MAF: variants seen among roughly 807,000 people sequenced by gnomAD.
MAF encodes the protein MAF bZIP transcription factor, also known as transcription factor Maf.
In MAF, 10 loss-of-function variants were observed where a neutral mutation model predicts 22.0. The observed-to-expected ratio is 0.45, with a 90% confidence interval of 0.28 to 0.77. The LOEUF (loss-of-function observed/expected upper bound fraction) is 0.77. Among genes scored for constraint, MAF ranks in the 30% least tolerant of loss-of-function variants. MAF has a pLI of 0.12. For missense variants in MAF, 544 were observed against 548.4 expected, an observed-to-expected ratio of 0.99 and a Z score of 0.08; for synonymous variants, 337 against 255.8, an observed-to-expected ratio of 1.32 and a Z score of -3.03.
At chr16:79,467,786 T>C in the MAF span, among the ~76,000 whole-genome samples, 1 of 152,142 alleles carries the variant, frequency 6.6e-6, no homozygotes, top group African/African-American at 2.4e-5. Flanking sequence ...TAAGTGTTAT[T>C]CCCTTCTTGT....
chr16:79,472,889 G>C, the MAF span, among the ~76,000 whole-genome samples: 1 of 152,010 alleles, frequency 6.6e-6, no homozygotes, highest in African/African-American at 2.4e-5. Context: ...TCCTGTCCTG[G>C]AGAGATTTGG....
chr16:79,500,268 G>C, the MAF span, among the ~76,000 whole-genome samples: 1 of 152,218 alleles, frequency 6.6e-6, no homozygotes. Context: ...GAGAGAGGGA[G>C]AAAGGAACAG....
At chr16:79,328,323 G>C in the MAF span, among the ~76,000 whole-genome samples, 1 of 151,966 alleles carries the variant, frequency 6.6e-6, no homozygotes, top group Non-Finnish European at 1.5e-5. Context: ...ATTTGGAAGA[G>C]CCTAGAGACA....
chr16:79,231,874 G>A, the MAF span, among the ~76,000 whole-genome samples: 4 of 151,950 alleles, frequency 2.6e-5, no homozygotes, highest in Non-Finnish European at 5.9e-5. Flanking sequence ...ATCTGTGGAA[G>A]CCCTGAGCTT....
chr16:79,573,759 A>G, the MAF span, among the ~76,000 whole-genome samples: 20,408 of 152,242 alleles, frequency 0.13, 1,466 homozygotes, highest in African/African-American at 0.17. Flanking sequence ...TAATAGCACT[A>G]GTGCAGACTA....
At chr16:79,474,014 C>T in the MAF span, among the ~76,000 whole-genome samples, 1 of 151,498 alleles carries the variant, frequency 6.6e-6, no homozygotes, top group Admixed American at 6.6e-5. Flanking sequence ...ATTCTTATGT[C>T]TATAAGGAAA....
chr16:79,367,614 A>C, the MAF span, among the ~76,000 whole-genome samples: 1 of 152,320 alleles, frequency 6.6e-6, no homozygotes, highest in African/African-American at 2.4e-5. Flanking sequence ...AATGTTTTTT[A>C]TTGTGCTGTC....
In MAF at chr16:79,599,192, C is replaced by CCCGCCGCCTCCG; in HGVS notation, c.699_710dup (p.Gly235_Gly238dup). On this transcript the variant is annotated inframe_insertion, in exon 1 of 2. Transcript: ENST00000326043. The stretch of plus-strand genomic sequence containing the variant: ...GGGCGCCCCCCGCCCCCGCCGCGCC[C>CCCGCCGCCTCCG]CCGCCGCCTCCGCCGCCGCCGCCGC... The CCCGCCGCCTCCG allele has an allele frequency of 1.9e-6, 2 of 1,026,632 alleles. No individual in the cohort carries two copies. Among genetic ancestry groups the CCCGCCGCCTCCG allele is most frequent in the Non-Finnish European group, 2.3e-6 (2 of 857,042 alleles). 63.6% of individuals were successfully genotyped at this position (1,026,632 alleles called of 1,614,324 possible).
At chr16:79,353,578 A>C in the MAF span, among the ~76,000 whole-genome samples, 1 of 152,250 alleles carries the variant, frequency 6.6e-6, no homozygotes. Context: ...CGTCATCTGC[A>C]TAGCACCTGT....
chr16:79,223,686 T>G, the MAF span, among the ~76,000 whole-genome samples: 1 of 152,138 alleles, frequency 6.6e-6, no homozygotes, highest in African/African-American at 2.4e-5. Flanking sequence ...ATATCACCAC[T>G]GATCTCACAG....
the MAF span, among the ~76,000 whole-genome samples, chr16:79,466,891 G>A: frequency 6.6e-6 from 1 of 152,286 alleles, no homozygotes; most frequent in South Asian, 2.1e-4. Flanking sequence ...CGGATCTGTG[G>A]CTTTTACCAG....
chr16:79,452,298 T>C, the MAF span, among the ~76,000 whole-genome samples: 1 of 152,246 alleles, frequency 6.6e-6, no homozygotes, highest in Non-Finnish European at 1.5e-5. Context: ...TCTAAGTATC[T>C]TCTTCATCCA....
the MAF span, among the ~76,000 whole-genome samples, chr16:79,410,903 A>G: frequency 6.6e-6 from 1 of 152,220 alleles, no homozygotes; most frequent in Non-Finnish European, 1.5e-5. Flanking sequence ...TGGATACCTG[A>G]CAATGAAGGA....
chr16:79,414,705 A>G, the MAF span, among the ~76,000 whole-genome samples: 49 of 152,364 alleles, frequency 3.2e-4, 1 homozygote, highest in African/African-American at 1.1e-3. Context: ...GAGAGAAATC[A>G]TAAGGAAAGA....
the MAF span, among the ~76,000 whole-genome samples, chr16:79,508,776 C>G: frequency 6.6e-6 from 1 of 152,190 alleles, no homozygotes; most frequent in Non-Finnish European, 1.5e-5. Context: ...AAGGGCATGT[C>G]TCATAGGTTT....
the MAF span, among the ~76,000 whole-genome samples, chr16:79,405,837 A>C: frequency 6.6e-6 from 1 of 152,178 alleles, no homozygotes; most frequent in African/African-American, 2.4e-5. Context: ...AGAACTTTGG[A>C]CTTCAGGTAG....
At chr16:79,410,801 T>C in the MAF span, among the ~76,000 whole-genome samples, 1 of 152,158 alleles carries the variant, frequency 6.6e-6, no homozygotes, top group East Asian at 1.9e-4. Flanking sequence ...CGTGTGACCA[T>C]AGATGGCAGA....
At chr16:79,533,307 AG>A in the MAF span, among the ~76,000 whole-genome samples, 1 of 152,156 alleles carries the variant, frequency 6.6e-6, no homozygotes, top group African/African-American at 2.4e-5. Flanking sequence ...TCCAGATCCA[AG>A]GGTCAGTCAG....
At chr16:79,396,664 G>T in the MAF span, among the ~76,000 whole-genome samples, 3 of 152,232 alleles carry the variant, frequency 2.0e-5, no homozygotes, top group Non-Finnish European at 4.4e-5. Flanking sequence ...AGGGGCAGAA[G>T]AATGCGTAGA....
Sources: allele counts gnomAD v4.1 joint callset (sites outside exome capture counted in the v4.1 genomes callset), GRCh38; gene constraint gnomAD v4.1.1; transcripts MANE v1.5; gene names NCBI Gene and HGNC (gene_info 2026-07-23, HGNC 2026-07-21).